CDK6: variants seen among roughly 807,000 people sequenced by gnomAD.
CDK6 encodes cyclin-dependent kinase 6.
Under a neutral mutation model 37.1 loss-of-function variants are expected in CDK6, and 6 were observed. That is an observed-to-expected ratio of 0.16 (90% confidence interval 0.09 to 0.32). The LOEUF is 0.32. Ranked by LOEUF, CDK6 falls within the 10% of genes least tolerant of loss-of-function variation. The pLI, the probability that CDK6 is intolerant of heterozygous loss-of-function variation, is 1.00. For synonymous variants in CDK6, 160 were observed against 161.3 expected, an observed-to-expected ratio of 0.99 and a Z score of 0.06; for missense variants, 224 against 418.9, an observed-to-expected ratio of 0.53 and a Z score of 4.06.
intron 4 of CDK6, among the ~76,000 whole-genome samples, chr7:92,704,814 G>T (rs1797931672): frequency 6.6e-6 from 1 of 152,080 alleles, no homozygotes; most frequent in Non-Finnish European, 1.5e-5. Context: ...ATGACTCTTG[G>T]TACACATGTG....
Position 92,777,231 on chromosome 7 carries a change from C to CTTGTTTT in CDK6, c.234-2407_234-2401dup, listed in dbSNP as rs1296609572. ...TGGTTGTAGATATGTGTCATTCTTT[C>CTTGTTTT]TTGTTTTTTTTTCCTTTTTGTGAAG... On this transcript the variant is annotated intron_variant, in intron 2 of 7. Transcript: ENST00000424848. Among the ~76,000 whole-genome samples, 232 of 151,974 alleles carry CTTGTTTT rather than the reference C, an allele frequency of 1.5e-3. 2 individuals are homozygous for CTTGTTTT. Among genetic ancestry groups the CTTGTTTT allele is most frequent in the African/African-American group, 5.1e-3 (213 of 41,416 alleles).
chr7:92,763,707 G>A (rs550458388), intron 3 of CDK6, among the ~76,000 whole-genome samples: 1 of 152,320 alleles, frequency 6.6e-6, no homozygotes, highest in South Asian at 2.1e-4. Context: ...CTGATTGGCT[G>A]GGGTTACCAA....
intron 3 of CDK6, among the ~76,000 whole-genome samples, chr7:92,740,978 A>G (rs1292730944): frequency 1.3e-5 from 2 of 152,190 alleles, no homozygotes; most frequent in Non-Finnish European, 2.9e-5. Context: ...TTGTAATTCA[A>G]CTTCTAGGAA....
At chr7:92,772,480 T>C (rs989251524) in intron 3 of CDK6, among the ~76,000 whole-genome samples, 1 of 151,502 alleles carries the variant, frequency 6.6e-6, no homozygotes, top group South Asian at 2.1e-4. Context: ...GGACAATCCC[T>C]GTTCAACACG....
intron 4 of CDK6, among the ~76,000 whole-genome samples, chr7:92,716,234 G>A (rs1011238620): frequency 6.6e-6 from 1 of 152,320 alleles, no homozygotes; most frequent in East Asian, 1.9e-4. Context: ...TAAAAGCAGG[G>A]AGTTGTGAAA....
Position 92,722,593 on chromosome 7 carries a change from T to C in CDK6, c.537+3033A>G, listed in dbSNP as rs147445515. 3.1e-3 allele frequency among the ~76,000 whole-genome samples: 468 copies of C among 152,350 alleles called. 5 individuals are homozygous for C. The highest frequency in any genetic ancestry group is 0.011 in the African/African-American group (437 of 41,582). On this transcript the variant is annotated intron_variant, in intron 4 of 7. Coordinates refer to ENST00000424848, the MANE Select transcript of CDK6 (RefSeq NM_001145306.2). Reference sequence around the variant, plus strand: ...GGGTGCAAAATGGACTCAGCCATTTTAAGGTATATGGAGTAAGTCCTTCAG... The same window carrying C: ...GGGTGCAAAATGGACTCAGCCATTTCAAGGTATATGGAGTAAGTCCTTCAG...
chr7:92,618,018 G>A, intron 7 of CDK6, 54 bp downstream of exon 7: 2 of 1,590,500 alleles, frequency 1.3e-6, no homozygotes, highest in South Asian at 2.3e-5. Context: ...AGTCTGGGTA[G>A]AGCAGGTGTC....
chr7:92,778,103 C>A (rs1442311997), intron 2 of CDK6, among the ~76,000 whole-genome samples: 1 of 146,566 alleles, frequency 6.8e-6, no homozygotes, highest in Admixed American at 6.8e-5. Flanking sequence ...AAAAAAAAAA[C>A]CAAAACCAAA....
intron 5 of CDK6, among the ~76,000 whole-genome samples, chr7:92,634,874 G>A (rs552034766): frequency 6.6e-6 from 1 of 152,244 alleles, no homozygotes; most frequent in African/African-American, 2.4e-5. Flanking sequence ...GTTCTCCTAA[G>A]TGATGGATTA....
At chr7:92,804,382 G>A (rs1800668747) in intron 2 of CDK6, among the ~76,000 whole-genome samples, 1 of 151,980 alleles carries the variant, frequency 6.6e-6, no homozygotes, top group African/African-American at 2.4e-5. Flanking sequence ...CCTTCACCGT[G>A]GATTCTAGTT....
At chr7:92,765,847 C>CTA (rs1019209326) in intron 3 of CDK6, among the ~76,000 whole-genome samples, 1 of 152,106 alleles carries the variant, frequency 6.6e-6, no homozygotes, top group Non-Finnish European at 1.5e-5. Context: ...ATGTGATAAA[C>CTA]TATAACTAGA....
At chr7:92,707,840 CATT>C (rs1242631565) in intron 4 of CDK6, among the ~76,000 whole-genome samples, 1 of 152,146 alleles carries the variant, frequency 6.6e-6, no homozygotes, top group African/African-American at 2.4e-5. Flanking sequence ...AAGAACATGA[CATT>C]ATTCTCTTAA....
chr7:92,686,813 T>C (rs1457253367), intron 4 of CDK6, among the ~76,000 whole-genome samples: 1 of 152,144 alleles, frequency 6.6e-6, no homozygotes, highest in Non-Finnish European at 1.5e-5. Flanking sequence ...TTATGGCCAT[T>C]CTTGCAGGAG....
At chr7:92,723,910 C>CAAAAA (rs576591781) in intron 4 of CDK6, among the ~76,000 whole-genome samples, 2 of 83,748 alleles carry the variant, frequency 2.4e-5, no homozygotes, top group African/African-American at 7.2e-5. Flanking sequence ...ATTTAATAAG[C>CAAAAA]AAAAAAAAAA....
chr7:92,807,608 A>G (rs1466348294), intron 2 of CDK6, among the ~76,000 whole-genome samples: 3 of 151,858 alleles, frequency 2.0e-5, no homozygotes, highest in Non-Finnish European at 4.4e-5. Flanking sequence ...CTGGTTTCTC[A>G]TTATTTTATT....
chr7:92,725,104 CA>C, intron 4 of CDK6: 1 of 985,426 alleles, frequency 1.0e-6, no homozygotes, highest in Non-Finnish European at 1.2e-6. Context: ...TATGAGCCTT[CA>C]CCTGGCATGG....
chr7:92,755,965 T>C lies in CDK6; in HGVS notation c.369+18731A>G, dbSNP rs190194787. Among the ~76,000 whole-genome samples, 204 of 152,184 alleles carry C rather than the reference T, an allele frequency of 1.3e-3. 1 individual carries two copies. Among genetic ancestry groups the C allele is most frequent in the African/African-American group, 4.2e-3 (176 of 41,516 alleles). Reference sequence around the variant, plus strand: ...CAAACACACACACAAAAGAACCTCATGTTCAAGCCCATTAATTGCCCACAA... The same window carrying C: ...CAAACACACACACAAAAGAACCTCACGTTCAAGCCCATTAATTGCCCACAA... On this transcript the variant is annotated intron_variant, in intron 3 of 7. Coordinates refer to ENST00000424848, the MANE Select transcript of CDK6 (RefSeq NM_001145306.2).
chr7:92,779,406 G>C (rs982106510), intron 2 of CDK6, among the ~76,000 whole-genome samples: 1 of 152,172 alleles, frequency 6.6e-6, no homozygotes, highest in Non-Finnish European at 1.5e-5. Flanking sequence ...ATAGTCCATA[G>C]AGCAGAACAT....
At chr7:92,672,506 G>A (rs1007973619) in intron 4 of CDK6, among the ~76,000 whole-genome samples, 6 of 151,746 alleles carry the variant, frequency 4.0e-5, no homozygotes, top group Non-Finnish European at 7.4e-5. Flanking sequence ...ACAGAGCAGC[G>A]TATAGTAATA....
Sources: allele counts gnomAD v4.1 joint callset (sites outside exome capture counted in the v4.1 genomes callset), GRCh38; gene constraint gnomAD v4.1.1; transcripts MANE v1.5; gene names NCBI Gene and HGNC (gene_info 2026-07-23, HGNC 2026-07-21).